The following TBC1D19 variants were observed in gnomAD, a reference collection of about 807,000 sequenced individuals.
TBC1D19 encodes TBC1 domain family member 19.
TBC1D19 carries 60 observed loss-of-function variants against 89.0 expected under a neutral mutation model. The ratio of observed to expected loss-of-function variants is 0.67; its 90% CI spans 0.55 to 0.84. The LOEUF (loss-of-function observed/expected upper bound fraction) is 0.84. Ranked by LOEUF, TBC1D19 falls within the 40% of genes least tolerant of loss-of-function variation. The pLI, the probability that TBC1D19 is intolerant of heterozygous loss-of-function variation, is 0.00. For missense variants in TBC1D19, 500 were observed against 610.8 expected (o/e 0.82, Z 1.91); for synonymous variants, 189 against 199.7 (o/e 0.95, Z 0.45).
At chr4:26,820,945 A>T in the TBC1D19 span, among the ~76,000 whole-genome samples, 1 of 152,242 alleles carries the variant, frequency 6.6e-6, no homozygotes, top group East Asian at 1.9e-4. Context: ...ATCACCTGGA[A>T]TACAGTGGGC....
intron 17 of TBC1D19, among the ~76,000 whole-genome samples, chr4:26,741,241 A>G (rs2109315758): frequency 6.6e-6 from 1 of 151,770 alleles, no homozygotes; most frequent in East Asian, 1.9e-4. Context: ...CTGTAGTCCC[A>G]GCTACTCGGG....
intron 1 of TBC1D19, among the ~76,000 whole-genome samples, chr4:26,596,510 T>C (rs1740226002): frequency 6.6e-6 from 1 of 151,384 alleles, no homozygotes; most frequent in Admixed American, 6.6e-5. Flanking sequence ...GTTTGAACAA[T>C]TTTGCTAGGG....
intron 8 of TBC1D19, 142 bp from the exon 9 acceptor site, chr4:26,666,191 T>C (rs1711793020): frequency 3.5e-6 from 2 of 566,952 alleles, no homozygotes; most frequent in Admixed American, 6.3e-5. Flanking sequence ...TATGTCCTTT[T>C]CTTTTTTAGG....
At position 26,728,915 on chromosome 4, in the gene TBC1D19, T is replaced by A. The variant is rs556205414; in HGVS notation, c.1085-6540T>A. ...CTGTAGTCCCAGCTACTCAGAAGGC[T>A]GAGGCAGGAGAATGGCCTGAACCCG... On this transcript the variant is annotated intron_variant, in intron 15 of 20. Coordinates refer to ENST00000264866, the MANE Select transcript of TBC1D19 (RefSeq NM_018317.4). 1.5e-3 allele frequency among the ~76,000 whole-genome samples: 233 copies of A among 152,260 alleles called. 1 individual carries two copies. Among genetic ancestry groups the A allele is most frequent in the Non-Finnish European group, 3.0e-3 (205 of 68,018 alleles).
the TBC1D19 span, among the ~76,000 whole-genome samples, chr4:26,801,580 T>C: frequency 6.6e-6 from 1 of 152,194 alleles, no homozygotes; most frequent in Non-Finnish European, 1.5e-5. Flanking sequence ...TGGTATTGAA[T>C]CTATAAATCA....
chr4:26,841,124 C>T, the TBC1D19 span, among the ~76,000 whole-genome samples: 2 of 152,222 alleles, frequency 1.3e-5, no homozygotes, highest in South Asian at 2.1e-4. Context: ...TGCCTGTAAT[C>T]CCAGCACTTT....
chr4:26,776,312 T>C, the TBC1D19 span, among the ~76,000 whole-genome samples: 1 of 152,142 alleles, frequency 6.6e-6, no homozygotes, highest in African/African-American at 2.4e-5. Context: ...CTAATAATAG[T>C]TTTCAAGAAT....
upstream of TBC1D19, among the ~76,000 whole-genome samples, chr4:26,581,569 C>T (rs531868652): frequency 1.4e-4 from 22 of 152,158 alleles, no homozygotes; most frequent in East Asian, 3.9e-4. Flanking sequence ...TTTATGGCTG[C>T]GTAGTATTCC....
At chr4:26,593,816 C>G (rs998686523) in intron 1 of TBC1D19, among the ~76,000 whole-genome samples, 19 of 152,044 alleles carry the variant, frequency 1.2e-4, no homozygotes, top group African/African-American at 4.1e-4. Flanking sequence ...GTTAGAATGG[C>G]GATCATTAAA....
the TBC1D19 span, among the ~76,000 whole-genome samples, chr4:26,854,553 T>TC: frequency 6.6e-6 from 1 of 152,182 alleles, no homozygotes; most frequent in South Asian, 2.1e-4. Context: ...CATAACAGCA[T>TC]CCTTACAGGT....
chr4:26,579,492 CT>C (rs796559539), upstream of TBC1D19, among the ~76,000 whole-genome samples: 131 of 144,610 alleles, frequency 9.1e-4, no homozygotes, highest in African/African-American at 2.7e-3. Context: ...TCTTTCCTGC[CT>C]TTTTTTTTTT....
chr4:26,607,881 C>T (rs1289676651), intron 1 of TBC1D19, among the ~76,000 whole-genome samples: 1 of 152,184 alleles, frequency 6.6e-6, no homozygotes, highest in Non-Finnish European at 1.5e-5. Flanking sequence ...TGGGCTTGCA[C>T]ATGTGTGCTT....
chr4:26,742,279 G>T (rs917305707), intron 17 of TBC1D19, among the ~76,000 whole-genome samples: 1 of 152,102 alleles, frequency 6.6e-6, no homozygotes, highest in Non-Finnish European at 1.5e-5. Flanking sequence ...GTGTAAAAAG[G>T]GAGGCTCTTT....
the TBC1D19 span, among the ~76,000 whole-genome samples, chr4:26,824,538 C>T: frequency 2.6e-5 from 4 of 152,086 alleles, no homozygotes; most frequent in African/African-American, 9.7e-5. Flanking sequence ...AAATTATGAC[C>T]GTCAGCTTCT....
chr4:26,617,667 G>A (rs572650638), intron 3 of TBC1D19, among the ~76,000 whole-genome samples: 2 of 152,272 alleles, frequency 1.3e-5, no homozygotes, highest in East Asian at 3.9e-4. Context: ...TAGCCTTACT[G>A]TATTTAAGAC....
chr4:26,676,195 C>A (rs1417419829), intron 11 of TBC1D19, among the ~76,000 whole-genome samples: 1 of 152,130 alleles, frequency 6.6e-6, no homozygotes, highest in African/African-American at 2.4e-5. Context: ...CTTAACAATG[C>A]CTGATCTGCC....
intron 19 of TBC1D19, among the ~76,000 whole-genome samples, chr4:26,751,539 C>T (rs1718961454): frequency 6.6e-6 from 1 of 152,142 alleles, no homozygotes; most frequent in Admixed American, 6.5e-5. Context: ...TTAAAGTATT[C>T]ATGTTTTCTT....
chr4:26,792,021 C>A, the TBC1D19 span, among the ~76,000 whole-genome samples: 2 of 152,108 alleles, frequency 1.3e-5, no homozygotes, highest in Non-Finnish European at 2.9e-5. Context: ...ACTAGGTGGT[C>A]TGGGAATTCA....
chr4:26,728,776 G>A (rs2109289949), intron 15 of TBC1D19, among the ~76,000 whole-genome samples: 1 of 152,320 alleles, frequency 6.6e-6, no homozygotes, highest in Non-Finnish European at 1.5e-5. Flanking sequence ...CACTTTGGGA[G>A]GTTGAGGCGG....
Sources: gnomAD v4.1 joint callset for allele counts (sites outside exome capture counted in the v4.1 genomes callset) on GRCh38, gnomAD v4.1.1 for gene constraint, MANE v1.5 for transcripts, NCBI Gene and HGNC (gene_info 2026-07-23, HGNC 2026-07-21) for gene names.